Variants in PPP6R1 observed in about 807,000 individuals in gnomAD.
PPP6R1 encodes the protein protein phosphatase 6 regulatory subunit 1.
A neutral mutation model predicts 104.6 loss-of-function variants in PPP6R1; 39 were observed. The observed-to-expected ratio is 0.37, with a 90% confidence interval of 0.29 to 0.49. PPP6R1 has a LOEUF of 0.49. Among genes scored for constraint, PPP6R1 ranks in the 20% least tolerant of loss-of-function variants. The probability of loss-of-function intolerance (pLI) is 0.98; values close to 1 mark genes in which losing one functional copy is unlikely to be tolerated. For synonymous variants in PPP6R1, 549 were observed against 479.0 expected, an observed-to-expected ratio of 1.15 and a Z score of -1.91; for missense variants, 1,181 against 1,155.8, an observed-to-expected ratio of 1.02 and a Z score of -0.32.
downstream of PPP6R1, chr19:55,228,444 G>A (rs955566734): frequency 6.2e-7 from 1 of 1,610,412 alleles, no homozygotes; most frequent in Non-Finnish European, 8.5e-7. Context: ...GGCGCTTTGG[G>A]GAGTGGGGAG....
chr19:55,231,376 T>C, intron 21 of PPP6R1, 34 bp downstream of exon 21: 1 of 1,547,234 alleles, frequency 6.5e-7, no homozygotes, highest in Non-Finnish European at 8.8e-7. Context: ...AAAAGACTTC[T>C]CCCGATACTA....
Position 55,241,654 on chromosome 19 carries a change from G to T in PPP6R1, c.846-15C>A. 1 of 1,551,278 alleles carries T rather than the reference G, an allele frequency of 6.4e-7. No homozygotes were observed. The highest frequency in any genetic ancestry group is 8.7e-7 in the Non-Finnish European group (1 of 1,148,378). ...CGGACTCGGACCTGCAGCAGGGCAG[G>T]GTCGAAGGCGGAGTGAGCCTAGATG... On this transcript the variant is annotated splice_polypyrimidine_tract_variant and intron_variant, in intron 7 of 23. Coordinates refer to ENST00000412770, the MANE Select transcript of PPP6R1 (RefSeq NM_014931.4). The surrounding 1 kb of genome is among the most constrained non-coding windows in gnomAD (Gnocchi z 5.4).
At chr19:55,252,598 C>T (rs1206368929) in intron 1 of PPP6R1, among the ~76,000 whole-genome samples, 1 of 152,148 alleles carries the variant, frequency 6.6e-6, no homozygotes, top group Non-Finnish European at 1.5e-5. Context: ...GACGGGGTTT[C>T]ACCATATTGG....
chr19:55,236,308 C>G (rs2087398180), intron 17 of PPP6R1: 1 of 251,434 alleles, frequency 4.0e-6, no homozygotes, highest in South Asian at 8.1e-5. Flanking sequence ...GTGCACACCA[C>G]CATGCCCATC....
intron 1 of PPP6R1, among the ~76,000 whole-genome samples, chr19:55,253,575 C>T (rs2122733820): frequency 6.6e-6 from 1 of 152,366 alleles, no homozygotes; most frequent in Admixed American, 6.5e-5. Flanking sequence ...GCGCCCTGAA[C>T]TCTCCATCTC....
chr19:55,231,102 G>A (rs2087340740), intron 21 of PPP6R1: 2 of 617,448 alleles, frequency 3.2e-6, no homozygotes, highest in South Asian at 3.9e-5. Context: ...TGTCCCTGTG[G>A]AGGAGGTACT....
chr19:55,233,976 G>A (rs1183221389), intron 17 of PPP6R1, among the ~76,000 whole-genome samples: 1 of 152,038 alleles, frequency 6.6e-6, no homozygotes, highest in East Asian at 1.9e-4. Context: ...ATGGAGTTTC[G>A]TTCTTGTCAC....
Position 55,230,760 on chromosome 19 carries a change from G to A in PPP6R1, c.2570+14C>T. 8 of 1,049,906 alleles carry A rather than the reference G, an allele frequency of 7.6e-6. No individual in the cohort carries two copies. Among genetic ancestry groups the A allele is most frequent in the Non-Finnish European group, 1.1e-5 (8 of 749,708 alleles). The allele number at this position is 1,049,906 out of a possible 1,614,324, so 65.0% of individuals were successfully genotyped here. A position where few individuals can be genotyped will look rare whatever the true frequency, so the allele number is the denominator to read the frequency against. On this transcript the variant is annotated intron_variant, in intron 22 of 23. Coordinates refer to ENST00000412770, the MANE Select transcript of PPP6R1 (RefSeq NM_014931.4). The stretch of plus-strand genomic sequence containing the variant: ...CCCACCCCCACCCCCCCGCCCTGCT[G>A]CCCTGGTGCTCACCTCTGGCTTTGG...
At chr19:55,240,464 G>C (rs2087442652) in intron 10 of PPP6R1, among the ~76,000 whole-genome samples, 164 bp from the exon 11 acceptor site, 1 of 151,620 alleles carries the variant, frequency 6.6e-6, no homozygotes, top group Non-Finnish European at 1.5e-5. Flanking sequence ...TTGGGACCCT[G>C]GCATCCACCC....
intron 1 of PPP6R1, among the ~76,000 whole-genome samples, chr19:55,253,800 G>T (rs1199617995): frequency 6.6e-6 from 1 of 152,226 alleles, no homozygotes; most frequent in Non-Finnish European, 1.5e-5. Flanking sequence ...AATGAAGCCT[G>T]CTAGAATCCC....
At chr19:55,242,594 C>T in intron 5 of PPP6R1, 106 bp from the exon 6 acceptor site, 1 of 903,332 alleles carries the variant, frequency 1.1e-6, no homozygotes, top group Non-Finnish European at 1.8e-6. Context: ...GAAAAATGGT[C>T]ACCCAGACAC....
intron 17 of PPP6R1, among the ~76,000 whole-genome samples, chr19:55,235,336 C>G (rs1600105254): frequency 6.6e-6 from 1 of 152,078 alleles, no homozygotes; most frequent in African/African-American, 2.4e-5. Flanking sequence ...ATCTTACCCC[C>G]CTTTCTAGGA....
At chr19:55,240,142 A>G in intron 11 of PPP6R1, 28 bp from the exon 12 acceptor site, 1 of 1,563,978 alleles carries the variant, frequency 6.4e-7, no homozygotes, top group Non-Finnish European at 8.7e-7. Context: ...CGCGGCTGCA[A>G]GCCAGGACTG....
chr19:55,247,354 T>C, intron 1 of PPP6R1: 1 of 533,614 alleles, frequency 1.9e-6, no homozygotes, highest in Non-Finnish European at 3.4e-6. Flanking sequence ...CTGCCCCTCT[T>C]CCCCCATCTC....
intron 15 of PPP6R1, 121 bp from the exon 16 acceptor site, chr19:55,237,091 T>C (rs995231683): frequency 3.4e-5 from 37 of 1,076,774 alleles, no homozygotes; most frequent in Non-Finnish European, 4.9e-5. Flanking sequence ...AGATTTGGTA[T>C]CTGCAAATTC....
chr19:55,243,143 G>A (rs1016588146), intron 5 of PPP6R1, among the ~76,000 whole-genome samples: 6 of 152,180 alleles, frequency 3.9e-5, no homozygotes, highest in Admixed American at 1.3e-4. Flanking sequence ...GGCCGGGCGC[G>A]GTGGCTCACG....
At chr19:55,256,043 G>A (rs1452055481) in intron 1 of PPP6R1, among the ~76,000 whole-genome samples, 1 of 152,164 alleles carries the variant, frequency 6.6e-6, no homozygotes, top group Non-Finnish European at 1.5e-5. Flanking sequence ...GCCAGAGAAA[G>A]GTGTTCTGTT....
chr19:55,242,463 A>G lies in PPP6R1; in HGVS notation c.644T>C (p.Leu215Pro). The G allele has an allele frequency of 6.2e-7, 1 of 1,613,924 alleles. No homozygotes were observed. The highest frequency in any genetic ancestry group is 8.5e-7 in the Non-Finnish European group (1 of 1,179,816). Residue 215 changes from leucine to proline, a missense_variant, in exon 6 of 24, where the codon CTG becomes CCG. This residue lies in a region of PPP6R1 where 1,042 missense variants were observed against 955.6 expected (regional missense o/e 1.09). Transcript: ENST00000412770. ...ENQHSNASQS[L>P]CDIIRLSREQ... Reference sequence around the variant, plus strand: ...CCGGCTCAGGCGGATGATGTCACACAGGGACTGGGATGCGTTGGAATGTTG... The same window carrying G: ...CCGGCTCAGGCGGATGATGTCACACGGGGACTGGGATGCGTTGGAATGTTG...
At chr19:55,255,795 G>GC (rs755618881) in intron 1 of PPP6R1, 5 of 152,390 alleles carry the variant, frequency 3.3e-5, no homozygotes, top group African/African-American at 9.7e-5. Flanking sequence ...GGTCCTTCAG[G>GC]CCCCCACACA....
Sources: allele counts gnomAD v4.1 joint callset (sites outside exome capture counted in the v4.1 genomes callset), GRCh38; gene constraint gnomAD v4.1.1; regional missense constraint gnomAD v4.1.1; non-coding constraint Gnocchi (gnomAD v3.1); transcripts MANE v1.5; gene names NCBI Gene and HGNC (gene_info 2026-07-23, HGNC 2026-07-21).